The following MTO1 variants were observed in gnomAD, a reference collection of about 807,000 sequenced individuals.
MTO1 encodes the protein mitochondrial tRNA translation optimization 1, also known as 5-taurinomethyluridine-[tRNA] synthase subunit MTO1, mitochondrial.
Under a neutral mutation model 71.6 loss-of-function variants are expected in MTO1, and 46 were observed. The observed-to-expected ratio is 0.64, with a 90% CI of 0.51 to 0.82. MTO1 has a LOEUF of 0.82. MTO1 is among the 40% of genes least tolerant of loss of function. The pLI, the probability that MTO1 is intolerant of heterozygous loss-of-function variation, is 0.00. For synonymous variants in MTO1, 297 were observed against 312.1 expected, an observed-to-expected ratio of 0.95 and a Z score of 0.51; for missense variants, 773 against 867.5, an observed-to-expected ratio of 0.89 and a Z score of 1.37.
At position 73,480,755 on chromosome 6, in the gene MTO1, T is replaced by A; in HGVS notation, c.1210T>A (p.Phe404Ile). ...LETHLVQRLF[F>I]AGQINGTTGY... is the part of the protein sequence containing the mutation. ...GACTCATTTGGTTCAACGACTCTTC[T>A]TTGCTGGACAGATCAATGGCACCAC... The change falls in exon 7 of 12, where the codon TTT (phenylalanine) becomes ATT (isoleucine). Residue 404 changes from phenylalanine to isoleucine, a missense_variant. By Grantham distance (21) the Phe-to-Ile change is conservative (BLOSUM62 0). Transcript: ENST00000498286. 6.2e-7 allele frequency: 1 copy of A among 1,614,082 alleles called. No individual in the cohort carries two copies. The highest frequency in any genetic ancestry group is 8.5e-7 in the Non-Finnish European group (1 of 1,180,008).
At chr6:73,500,354 TA>T (rs1172657540) in intron 11 of MTO1, among the ~76,000 whole-genome samples, 1 of 152,250 alleles carries the variant, frequency 6.6e-6, no homozygotes, top group East Asian at 1.9e-4. Flanking sequence ...CAAGCTATTT[TA>T]ACATTTCTGT....
rs1476420851 is a variant in MTO1 at position 73,507,510 on chromosome 6, C to T, written c.*6775C>T. 1.3e-5 allele frequency: 2 copies of T among 152,152 alleles called. No homozygotes were observed. Among genetic ancestry groups the T allele is most frequent in the Non-Finnish European group, 2.9e-5 (2 of 68,026 alleles). 9.4% of individuals were successfully genotyped at this position (152,152 alleles called of 1,614,324 possible). Reference sequence around the variant, plus strand: ...AAACTTAAAGTCTTACTGATCTCTTCCTATGCTCCAATTTTATAGATATAA... The same window carrying T: ...AAACTTAAAGTCTTACTGATCTCTTTCTATGCTCCAATTTTATAGATATAA... On this transcript the variant is annotated 3_prime_UTR_variant, in exon 12 of 12. Transcript: ENST00000498286.
chr6:73,483,228 G>A (rs1464442166), intron 9 of MTO1, among the ~76,000 whole-genome samples: 1 of 151,968 alleles, frequency 6.6e-6, no homozygotes, highest in Non-Finnish European at 1.5e-5. Context: ...GGCCAATGTG[G>A]CAAAATCCCA....
At chr6:73,462,372 A>G (rs1192123225) in intron 1 of MTO1, 4 of 456,046 alleles carry the variant, frequency 8.8e-6, no homozygotes, top group Non-Finnish European at 1.6e-5. Flanking sequence ...GTAGCTTCTT[A>G]GTTCATTGCT....
At chr6:73,462,262 C>T (rs1770846211) in intron 1 of MTO1, 191 bp downstream of exon 1, 1 of 628,050 alleles carries the variant, frequency 1.6e-6, no homozygotes, top group African/African-American at 1.8e-5. Context: ...TTAGTCTATT[C>T]TGCGAACCAT....
chr6:73,471,093 T>A (rs937275996), intron 3 of MTO1, among the ~76,000 whole-genome samples: 1 of 152,264 alleles, frequency 6.6e-6, no homozygotes, highest in South Asian at 2.1e-4. Flanking sequence ...TGCATATGTA[T>A]ATGTATTTTT....
chr6:73,490,212 G>A (rs1045725884), intron 9 of MTO1, among the ~76,000 whole-genome samples: 2 of 152,160 alleles, frequency 1.3e-5, no homozygotes, highest in African/African-American at 4.8e-5. Context: ...TGGGTAGATT[G>A]TAAAAATTTT....
At chr6:73,483,111 G>A (rs1771559970) in intron 9 of MTO1, among the ~76,000 whole-genome samples, 1 of 150,944 alleles carries the variant, frequency 6.6e-6, no homozygotes, top group Non-Finnish European at 1.5e-5. Context: ...TGTTTTCTAA[G>A]TATTAAAAAA....
chr6:73,466,215 T>C lies in MTO1; in HGVS notation c.224T>C (p.Met75Thr), dbSNP rs1770980887. 1.2e-6 allele frequency: 2 copies of C among 1,612,012 alleles called. No individual in the cohort carries two copies. Among genetic ancestry groups the C allele is most frequent in the African/African-American group, 1.3e-5 (1 of 74,908 alleles). Residue 75 changes from methionine (M) to threonine (T), a missense_variant, in exon 2 of 12, where the codon ATG becomes ACG. By Grantham distance (81) the Met-to-Thr change is moderately conservative. Coordinates refer to ENST00000498286, the MANE Select transcript of MTO1 (RefSeq NM_012123.4). ...LTHRVDTIGQ[M>T]SCNPSFGGIG... ...TTATGTCTATTATCTTTAGGTCAGA[T>C]GTCATGTAATCCTTCCTTTGGTGGC...
At chr6:73,475,988 C>G (rs1771304260) in intron 4 of MTO1, among the ~76,000 whole-genome samples, 2 of 152,162 alleles carry the variant, frequency 1.3e-5, no homozygotes, top group Non-Finnish European at 2.9e-5. Context: ...GAGAACCCGA[C>G]ACTGAACCAT....
Position 73,461,898 on chromosome 6 carries a change from T to C in MTO1, c.44T>C (p.Phe15Ser). 1 of 1,614,170 alleles carries C rather than the reference T, an allele frequency of 6.2e-7. No homozygotes were observed. The highest frequency in any genetic ancestry group is 8.5e-7 in the Non-Finnish European group (1 of 1,179,954). Residue 15 changes from phenylalanine (F) to serine (S), a missense_variant, in exon 1 of 12, where the codon TTC (phenylalanine) becomes TCC (serine). Phe to Ser is a radical substitution (Grantham distance 155). Coordinates refer to ENST00000498286, the MANE Select transcript of MTO1 (RefSeq NM_012123.4). ...RGCGRWVAVS[F>S]TKQQFPLARL... ...TGTGGCCGTTGGGTCGCGGTTTCCT[T>C]CACCAAGCAGCAATTTCCGTTGGCA... is the stretch of plus-strand genomic sequence containing the variant.
At chr6:73,485,983 A>C (rs932320240) in intron 9 of MTO1, among the ~76,000 whole-genome samples, 2 of 152,186 alleles carry the variant, frequency 1.3e-5, no homozygotes, top group Non-Finnish European at 2.9e-5. Flanking sequence ...TTACAGAGAA[A>C]TGTATTGATG....
chr6:73,481,744 G>C (rs1198673956), intron 7 of MTO1, among the ~76,000 whole-genome samples: 1 of 152,060 alleles, frequency 6.6e-6, no homozygotes, highest in Non-Finnish European at 1.5e-5. Context: ...CCCCAGCCTA[G>C]GTAACAGGGG....
rs1409364952 is a variant in MTO1 at position 73,480,027 on chromosome 6, A to T, written c.1030A>T (p.Ile344Phe). The change falls in exon 6 of 12, where the codon ATC becomes TTC. Residue 344 changes from isoleucine to phenylalanine, a missense_variant. Ile to Phe is a conservative substitution (Grantham distance 21). Transcript: ENST00000498286. ...LEPEGMDSDL[I>F]YPQGLSMTLP... ...ACCTGAAGGAATGGATTCTGACCTT[A>T]TCTACCCACAGGGGTTATCTATGAC... is the stretch of plus-strand genomic sequence containing the variant. 1 of 1,614,158 alleles carries T rather than the reference A, an allele frequency of 6.2e-7. No individual in the cohort carries two copies. The highest frequency in any genetic ancestry group is 8.5e-7 in the Non-Finnish European group (1 of 1,180,004).
chr6:73,471,419 AT>A, intron 3 of MTO1: 1 of 446,804 alleles, frequency 2.2e-6, no homozygotes, highest in South Asian at 1.6e-5. Flanking sequence ...TAAATTGTTT[AT>A]TTTTTTATTT....
intron 4 of MTO1, among the ~76,000 whole-genome samples, chr6:73,478,602 A>G (rs748344381): frequency 3.9e-5 from 6 of 152,154 alleles, no homozygotes; most frequent in Non-Finnish European, 7.4e-5. Flanking sequence ...GTAATGGCGC[A>G]AGCTTGGCCC....
chr6:73,475,397 C>T (rs1388529083), intron 4 of MTO1, among the ~76,000 whole-genome samples: 1 of 152,182 alleles, frequency 6.6e-6, no homozygotes, highest in African/African-American at 2.4e-5. Context: ...ATTCTCCTGC[C>T]TCAGCCTCCC....
chr6:73,468,343 T>A (rs558012163), intron 3 of MTO1, among the ~76,000 whole-genome samples: 4 of 152,258 alleles, frequency 2.6e-5, no homozygotes, highest in African/African-American at 9.6e-5. Context: ...GGTCTTGAAC[T>A]CCTGACCTCA....
chr6:73,484,645 C>G (rs758644150), intron 9 of MTO1, among the ~76,000 whole-genome samples: 7 of 152,164 alleles, frequency 4.6e-5, no homozygotes, highest in Non-Finnish European at 1.0e-4. Context: ...CTGGCTTACA[C>G]TAGGCACCAG....
Sources: gnomAD v4.1 joint callset for allele counts (sites outside exome capture counted in the v4.1 genomes callset) on GRCh38, gnomAD v4.1.1 for gene constraint, MANE v1.5 for transcripts, NCBI Gene and HGNC (gene_info 2026-07-23, HGNC 2026-07-21) for gene names.